The following FNBP1 variants were observed in gnomAD, a reference collection of about 807,000 sequenced individuals.
FNBP1 encodes the protein formin-binding protein 1.
FNBP1 carries 26 observed loss-of-function variants against 90.6 expected under a neutral mutation model. The ratio of observed to expected loss-of-function variants is 0.29; its 90% CI spans 0.21 to 0.40. The LOEUF (loss-of-function observed/expected upper bound fraction) is 0.40. Ranked by LOEUF, FNBP1 falls within the 10% of genes least tolerant of loss-of-function variation. The pLI is 1.00. For synonymous variants in FNBP1, 260 were observed against 265.2 expected, an observed-to-expected ratio of 0.98 and a Z score of 0.19; for missense variants, 635 against 768.0, an observed-to-expected ratio of 0.83 and a Z score of 2.05.
In FNBP1 at chr9:129,977,640, C is replaced by T. The variant is rs538100394; in HGVS notation, c.345+825G>A. Among the ~76,000 whole-genome samples, 25 of 151,908 alleles carry T rather than the reference C, an allele frequency of 1.6e-4. No individual in the cohort carries two copies. In the South Asian group the frequency reaches 2.1e-3, roughly 13 times the overall value. On this transcript the variant is annotated intron_variant, in intron 4 of 16. Coordinates refer to ENST00000446176, the MANE Select transcript of FNBP1 (RefSeq NM_015033.3). ...CCAAGTAGCTGGGGTTATGGGTACC[C>T]GTCACCACGCCCAGCTAGTTTTTAT...
At chr9:129,997,645 C>A (rs146041557) in intron 1 of FNBP1, among the ~76,000 whole-genome samples, 2 of 152,170 alleles carry the variant, frequency 1.3e-5, no homozygotes, top group Non-Finnish European at 2.9e-5. Flanking sequence ...ATCAGTAACC[C>A]TTTGTGGATC....
intron 6 of FNBP1, 42 bp from the exon 7 acceptor site, chr9:129,929,737 A>AGATAAAAGCCTGGGTGCAATC: frequency 6.2e-7 from 1 of 1,605,750 alleles, no homozygotes; most frequent in South Asian, 1.1e-5. Flanking sequence ...TATACACCAT[A>AGATAAAAGCCTGGGTGCAATC]GATAAAAGCC....
intron 4 of FNBP1, among the ~76,000 whole-genome samples, chr9:129,971,157 C>G (rs767078505): frequency 1.4e-4 from 22 of 151,914 alleles, no homozygotes; most frequent in Non-Finnish European, 2.5e-4. Flanking sequence ...TCCCAAAGTT[C>G]TGGGATTACA....
At chr9:129,932,018 C>G (rs1039018108) in intron 6 of FNBP1, among the ~76,000 whole-genome samples, 1 of 151,874 alleles carries the variant, frequency 6.6e-6, no homozygotes, top group African/African-American at 2.4e-5. Flanking sequence ...TGAGACCATC[C>G]TGGCCAACAT....
intron 1 of FNBP1, among the ~76,000 whole-genome samples, chr9:130,026,541 T>G (rs1379195923): frequency 1.3e-5 from 2 of 151,714 alleles, no homozygotes; most frequent in East Asian, 3.9e-4. Flanking sequence ...TCTTTCAAGA[T>G]TTGAGGAGTG....
chr9:129,939,569 T>C (rs1243700722), intron 6 of FNBP1, among the ~76,000 whole-genome samples: 1 of 152,184 alleles, frequency 6.6e-6, no homozygotes, highest in Non-Finnish European at 1.5e-5. Flanking sequence ...GAAGCTTATG[T>C]AGGTCTCAAG....
the FNBP1 span, among the ~76,000 whole-genome samples, chr9:130,050,901 C>T: frequency 4.9e-5 from 3 of 61,302 alleles, no homozygotes; most frequent in African/African-American, 1.2e-4. Flanking sequence ...ATCATGCTCG[C>T]TAATTTTTTT....
intron 10 of FNBP1, among the ~76,000 whole-genome samples, chr9:129,919,489 A>G (rs759252630): frequency 2.6e-5 from 4 of 152,220 alleles, no homozygotes; most frequent in Non-Finnish European, 4.4e-5. Flanking sequence ...CTGCAAATGG[A>G]GAACATGCTA....
chr9:130,027,393 T>C (rs1033953491), intron 1 of FNBP1, among the ~76,000 whole-genome samples: 1 of 152,230 alleles, frequency 6.6e-6, no homozygotes, highest in Non-Finnish European at 1.5e-5. Context: ...TTAAATTTCA[T>C]ATTCTAAGCA....
In FNBP1 at chr9:129,895,957, G is replaced by A; in HGVS notation, c.1727C>T (p.Thr576Ile). ...EGTISVVEGETLYVIEEDKGD... is the reference protein window; with the variant it reads ...EGTISVVEGEILYVIEEDKGD... ...TTTGTCTTCCTCTATGACATACAAT[G>A]TTTCTCCTTCAACTACGGAAATCGT... The change falls in exon 16 of 17, where the codon ACA becomes ATA. Residue 576 changes from threonine (T) to isoleucine (I), a missense_variant. Thr to Ile is a moderately conservative substitution (Grantham distance 89). Coordinates refer to ENST00000446176, the MANE Select transcript of FNBP1 (RefSeq NM_015033.3). 2.5e-6 allele frequency: 4 copies of A among 1,611,108 alleles called. No homozygotes were observed. Among genetic ancestry groups the A allele is most frequent in the South Asian group, 1.1e-5 (1 of 90,224 alleles).
chr9:129,957,446 G>A lies in FNBP1; in HGVS notation c.427C>T (p.Arg143Cys), dbSNP rs760469089. Residue 143 changes from arginine to cysteine, a missense_variant, in exon 6 of 17, where the codon CGC becomes TGC. Transcript: ENST00000446176. This position sits in a 1 kb window ranked among gnomAD's most constrained non-coding sequence, Gnocchi z 4.3. ...GCCCTGTCCGCCTCTTTGCAATCGC[G>A]TTCAAATCGCCTTTTACTCTAAAAT... ...QLESSKRRFE[R>C]DCKEADRAQQ... is the part of the protein sequence containing the mutation. The A allele has an allele frequency of 7.4e-6, 12 of 1,612,848 alleles. No individual in the cohort carries two copies. The highest frequency in any genetic ancestry group is 2.7e-5 in the African/African-American group (2 of 74,866).
At chr9:129,932,860 T>C (rs1467620944) in intron 6 of FNBP1, among the ~76,000 whole-genome samples, 1 of 152,112 alleles carries the variant, frequency 6.6e-6, no homozygotes, top group African/African-American at 2.4e-5. Flanking sequence ...AAATAATAGC[T>C]TTCCCACCTA....
rs2047098607 is a variant in FNBP1 at position 129,957,276 on chromosome 9, G to A, written c.513+84C>T. On this transcript the variant is annotated intron_variant, in intron 6 of 16. Coordinates refer to ENST00000446176, the MANE Select transcript of FNBP1 (RefSeq NM_015033.3). The surrounding 1 kb of genome is among the most constrained non-coding windows in gnomAD (Gnocchi z 4.3). ...TGGTCTCGAACTCCTGGCCTCAGGT[G>A]ATCCGCTCACCTCAGCCTCCCAAAG... is the stretch of plus-strand genomic sequence containing the variant. The A allele has an allele frequency of 1.1e-6, 1 of 948,074 alleles. No homozygotes were observed. The highest frequency in any genetic ancestry group is 2.5e-5 in the East Asian group (1 of 40,322). 58.7% of individuals were successfully genotyped at this position (948,074 alleles called of 1,614,324 possible).
intron 2 of FNBP1, among the ~76,000 whole-genome samples, chr9:129,979,711 C>T (rs1330711007): frequency 6.6e-6 from 1 of 152,202 alleles, no homozygotes; most frequent in East Asian, 1.9e-4. Context: ...GTGATCTCAG[C>T]TCATTGCAAC....
At chr9:129,934,103 T>C (rs532977534) in intron 6 of FNBP1, among the ~76,000 whole-genome samples, 54 of 152,334 alleles carry the variant, frequency 3.5e-4, no homozygotes, top group Non-Finnish European at 6.0e-4. Flanking sequence ...TTGGAGACTA[T>C]CTCCTAATGT....
chr9:129,889,534 C>A lies in FNBP1; in HGVS notation c.*1005G>T. The A allele has an allele frequency of 1.0e-5, 2 of 193,512 alleles. No individual in the cohort carries two copies. Among genetic ancestry groups the A allele is most frequent in the East Asian group, 8.0e-5 (1 of 12,516 alleles). 12.0% of individuals were successfully genotyped at this position (193,512 alleles called of 1,614,324 possible). A position where few individuals can be genotyped will look rare whatever the true frequency, so the allele number is the denominator to read the frequency against. ...GTAGTGAGCCGAGATCATGCCACTG[C>A]ACTCCAGTCTGAACAATAGAGCGAG... On this transcript the variant is annotated 3_prime_UTR_variant, in exon 17 of 17. Transcript: ENST00000446176.
chr9:129,903,496 A>G lies in FNBP1; in HGVS notation c.1296-495T>C, dbSNP rs77150549. 5.3e-3 allele frequency among the ~76,000 whole-genome samples: 814 copies of G among 152,292 alleles called. 7 individuals are homozygous for G. Among genetic ancestry groups the G allele is most frequent in the African/African-American group, 0.019 (784 of 41,568 alleles). Reference sequence around the variant, plus strand: ...TATAGGAATTCTGCTACCAATGGCTATAAATAAAGAAGCTGATTTTTCAAT... The same window carrying G: ...TATAGGAATTCTGCTACCAATGGCTGTAAATAAAGAAGCTGATTTTTCAAT... On this transcript the variant is annotated intron_variant, in intron 12 of 16. Coordinates refer to ENST00000446176, the MANE Select transcript of FNBP1 (RefSeq NM_015033.3).
At chr9:130,020,883 C>G (rs959936868) in intron 1 of FNBP1, among the ~76,000 whole-genome samples, 1 of 151,982 alleles carries the variant, frequency 6.6e-6, no homozygotes, top group African/African-American at 2.4e-5. Flanking sequence ...ATGAGATGGC[C>G]CCGTTAGGTT....
chr9:130,048,314 C>CAAAAAAAAAA, the FNBP1 span, among the ~76,000 whole-genome samples: 714 of 50,706 alleles, frequency 0.014, 91 homozygotes, highest in Middle Eastern at 0.026. Context: ...GACTCCATCT[C>CAAAAAAAAAA]AAAAAAAAAA....
Sources: allele counts gnomAD v4.1 joint callset (sites outside exome capture counted in the v4.1 genomes callset), GRCh38; gene constraint gnomAD v4.1.1; non-coding constraint Gnocchi (gnomAD v3.1); transcripts MANE v1.5; gene names NCBI Gene and HGNC (gene_info 2026-07-23, HGNC 2026-07-21).